DNAJC7: variants seen among roughly 807,000 people sequenced by gnomAD.
DNAJC7 encodes the protein DnaJ heat shock protein family (Hsp40) member C7.
In DNAJC7, 18 loss-of-function variants were observed where a neutral mutation model predicts 67.4. The ratio of observed to expected loss-of-function variants is 0.27; its 90% confidence interval spans 0.18 to 0.40. The LOEUF is 0.40. Ranked by LOEUF, DNAJC7 falls within the 10% of genes least tolerant of loss-of-function variation. The pLI is 1.00. For missense variants in DNAJC7, 419 were observed against 613.8 expected (o/e 0.68, Z 3.35); for synonymous variants, 220 against 207.8 (o/e 1.06, Z -0.50).
chr17:42,004,759 C>T (rs1323873581), intron 1 of DNAJC7, among the ~76,000 whole-genome samples: 2 of 152,178 alleles, frequency 1.3e-5, no homozygotes, highest in African/African-American at 2.4e-5. Context: ...CAATGTCTCA[C>T]GCCTGTAATC....
intron 8 of DNAJC7, 33 bp from the exon 9 acceptor site, chr17:41,987,943 C>G: frequency 6.4e-7 from 1 of 1,573,414 alleles, no homozygotes; most frequent in African/African-American, 1.3e-5. Context: ...ATACTTCACA[C>G]CTTTGGTGAC....
chr17:41,987,955 G>C (rs782355978), intron 8 of DNAJC7, 45 bp from the exon 9 acceptor site: 1 of 1,534,316 alleles, frequency 6.5e-7, no homozygotes, highest in Admixed American at 1.8e-5. Context: ...TTTGGTGACT[G>C]AGGGAGCCCA....
intron 2 of DNAJC7, among the ~76,000 whole-genome samples, chr17:41,998,997 G>A (rs1461222893): frequency 6.6e-6 from 1 of 151,792 alleles, no homozygotes; most frequent in African/African-American, 2.4e-5. Flanking sequence ...ACCAGCCGGG[G>A]CAACATGGTA....
chr17:42,004,988 G>T (rs2051908672), intron 1 of DNAJC7, among the ~76,000 whole-genome samples: 1 of 152,188 alleles, frequency 6.6e-6, no homozygotes, highest in African/African-American at 2.4e-5. Context: ...TTGTACCACT[G>T]CACTCTAGCC....
intron 1 of DNAJC7, chr17:42,003,636 CAGGGTCA>C (rs1199706602): frequency 6.6e-6 from 1 of 152,002 alleles, no homozygotes; most frequent in African/African-American, 2.4e-5. Flanking sequence ...CACTCACTGC[CAGGGTCA>C]ATTCATCTGA....
intron 1 of DNAJC7, among the ~76,000 whole-genome samples, chr17:42,004,377 A>G (rs1487217937): frequency 1.3e-5 from 2 of 152,184 alleles, no homozygotes; most frequent in African/African-American, 4.8e-5. Flanking sequence ...CTAGAAGTTT[A>G]TGTTTTCCCC....
At chr17:41,982,076 AACT>A (rs1385825896) in intron 11 of DNAJC7, 69 bp from the exon 12 acceptor site, 10 of 1,587,394 alleles carry the variant, frequency 6.3e-6, no homozygotes, top group Non-Finnish European at 8.5e-6. Flanking sequence ...TTAAGAGAAA[AACT>A]ACTTTCTGTC....
At chr17:41,997,943 T>A (rs1567964438) in intron 2 of DNAJC7, among the ~76,000 whole-genome samples, 1 of 152,070 alleles carries the variant, frequency 6.6e-6, no homozygotes, top group Non-Finnish European at 1.5e-5. Flanking sequence ...GCTCACTGCA[T>A]CCTCCGCCTC....
chr17:41,983,606 T>C lies in DNAJC7; in HGVS notation c.1041A>G (p.Ala347=). ...CYMDTEQYEE[A]VRDYEKVYQT... is the part of the protein sequence containing the mutation. ...GGTATACTTTTTCATAGTCTCGTAC[T>C]GCTTCTTCATACTGTTCTGTGTCCA... The change falls in exon 10 of 14, where the codon GCA becomes GCG. Residue 347 remains alanine, a synonymous_variant. Coordinates refer to ENST00000457167, the MANE Select transcript of DNAJC7 (RefSeq NM_003315.4). 6.2e-7 allele frequency: 1 copy of C among 1,603,154 alleles called. No homozygotes were observed.
chr17:41,991,113 T>A (rs529579581), intron 5 of DNAJC7, among the ~76,000 whole-genome samples: 1 of 152,328 alleles, frequency 6.6e-6, no homozygotes, highest in African/African-American at 2.4e-5. Flanking sequence ...CATCTCCATA[T>A]ATTCTGTTTT....
intron 1 of DNAJC7, chr17:42,016,228 C>T (rs1014702757): frequency 1.3e-5 from 2 of 152,154 alleles, no homozygotes; most frequent in Non-Finnish European, 2.9e-5. Context: ...TCATTGCGTC[C>T]GAGTACTTCT....
At chr17:42,000,268 G>A (rs975986486) in intron 2 of DNAJC7, among the ~76,000 whole-genome samples, 7 of 150,680 alleles carry the variant, frequency 4.6e-5, no homozygotes, top group Admixed American at 1.3e-4. Context: ...ACAGGTGCCC[G>A]CCACCAGGCC....
At chr17:41,988,009 G>T in intron 8 of DNAJC7, 99 bp from the exon 9 acceptor site, 1 of 955,374 alleles carries the variant, frequency 1.0e-6, no homozygotes, top group Non-Finnish European at 1.6e-6. Flanking sequence ...GATCAGTCAT[G>T]CTGGCCCCTT....
intron 1 of DNAJC7, among the ~76,000 whole-genome samples, chr17:42,007,425 T>G (rs901848579): frequency 2.6e-5 from 4 of 152,120 alleles, no homozygotes; most frequent in African/African-American, 9.7e-5. Context: ...CATGTTGCAC[T>G]CTCCCTGACC....
intron 12 of DNAJC7, chr17:41,981,568 G>A (rs1360533309): frequency 3.2e-6 from 1 of 317,064 alleles, no homozygotes; most frequent in Non-Finnish European, 5.8e-6. Flanking sequence ...GACCTCAAGT[G>A]ATCTGCTTGC....
chr17:41,994,164 C>A (rs1308772956), intron 5 of DNAJC7, among the ~76,000 whole-genome samples: 2 of 151,752 alleles, frequency 1.3e-5, no homozygotes, highest in Admixed American at 1.3e-4. Context: ...GGTGAAACCC[C>A]ATCTCTACTA....
intron 13 of DNAJC7, 47 bp downstream of exon 13, chr17:41,977,214 T>G: frequency 1.4e-5 from 21 of 1,546,970 alleles, no homozygotes; most frequent in Non-Finnish European, 1.8e-5. Context: ...GCAATGAGTG[T>G]GTTGGCTTGT....
At chr17:42,006,135 G>A (rs1177380883) in intron 1 of DNAJC7, among the ~76,000 whole-genome samples, 2 of 150,282 alleles carry the variant, frequency 1.3e-5, no homozygotes, top group African/African-American at 2.4e-5. Context: ...TAATAGAGAC[G>A]GGATATCATC....
At chr17:41,985,375 TTGATACTGCAC>T (rs1427697467) in intron 9 of DNAJC7, 7 of 152,110 alleles carry the variant, frequency 4.6e-5, no homozygotes, top group African/African-American at 1.7e-4. Context: ...AAATGATACT[TTGATACTGCAC>T]TCCAGCCTGG....
Sources: gnomAD v4.1 joint callset for allele counts (sites outside exome capture counted in the v4.1 genomes callset) on GRCh38, gnomAD v4.1.1 for gene constraint, MANE v1.5 for transcripts, NCBI Gene and HGNC (gene_info 2026-07-23, HGNC 2026-07-21) for gene names.